The following GALNT8 variants were observed in gnomAD, a reference collection of about 807,000 sequenced individuals.
GALNT8 encodes probable polypeptide N-acetylgalactosaminyltransferase 8.
In GALNT8, 66 loss-of-function variants were observed where a neutral mutation model predicts 62.7. That is an observed-to-expected ratio of 1.05 (90% CI 0.86 to 1.29). The LOEUF (loss-of-function observed/expected upper bound fraction) is 1.29, where lower values mean the gene tolerates loss of function less well. Ranked by LOEUF, GALNT8 falls within the 50% of genes most tolerant of loss-of-function variation. The pLI, the probability that GALNT8 is intolerant of heterozygous loss-of-function variation, is 0.00. For synonymous variants in GALNT8, 288 were observed against 294.3 expected (o/e 0.98, Z 0.22); for missense variants, 771 against 791.8 (o/e 0.97, Z 0.32).
intron 3 of GALNT8, among the ~76,000 whole-genome samples, chr12:4,740,171 C>T (rs917918207): frequency 2.0e-5 from 3 of 152,112 alleles, no homozygotes; most frequent in African/African-American, 7.2e-5. Context: ...GTGCCCGTGC[C>T]CCGAGTCTAG....
At chr12:4,765,022 G>A (rs1946392707) in intron 9 of GALNT8, among the ~76,000 whole-genome samples, 1 of 152,256 alleles carries the variant, frequency 6.6e-6, no homozygotes, top group Non-Finnish European at 1.5e-5. Flanking sequence ...GCAAGATAGT[G>A]TCAGACCAGG....
At chr12:4,727,834 A>G (rs976067191) in intron 2 of GALNT8, among the ~76,000 whole-genome samples, 1 of 152,174 alleles carries the variant, frequency 6.6e-6, no homozygotes, top group Non-Finnish European at 1.5e-5. Flanking sequence ...ACATTCATGT[A>G]TAAGTTTTTG....
At position 4,746,273 on chromosome 12, in the gene GALNT8, C is replaced by T. The variant is rs980917361; in HGVS notation, c.1173+15C>T. 2 of 1,385,612 alleles carry T rather than the reference C, an allele frequency of 1.4e-6. No homozygotes were observed. The highest frequency in any genetic ancestry group is 1.4e-5 in the African/African-American group (1 of 70,752). The allele number at this position is 1,385,612 out of a possible 1,614,324, so 85.8% of individuals were successfully genotyped here. Reference sequence around the variant, plus strand: ...TTAGCCTGAGGGTGGGTACATTTCCCTTTTCTTTATGGGACAAAGCAGAAA... The same window carrying T: ...TTAGCCTGAGGGTGGGTACATTTCCTTTTTCTTTATGGGACAAAGCAGAAA... On this transcript the variant is annotated intron_variant, in intron 6 of 10. Coordinates refer to ENST00000252318, the MANE Select transcript of GALNT8 (RefSeq NM_017417.2).
At chr12:4,735,841 A>C (rs1430122755) in intron 2 of GALNT8, among the ~76,000 whole-genome samples, 2 of 152,160 alleles carry the variant, frequency 1.3e-5, no homozygotes, top group Non-Finnish European at 2.9e-5. Context: ...AGTGGTGCAG[A>C]AGTTCTGTTC....
intron 6 of GALNT8, among the ~76,000 whole-genome samples, chr12:4,753,375 CT>C (rs1946330612): frequency 6.6e-6 from 1 of 151,888 alleles, no homozygotes; most frequent in South Asian, 2.1e-4. Flanking sequence ...TTTCTTTTGT[CT>C]CCTCTGACTA....
At chr12:4,738,878 G>A (rs903433983) in intron 2 of GALNT8, among the ~76,000 whole-genome samples, 4 of 152,282 alleles carry the variant, frequency 2.6e-5, no homozygotes, top group Middle Eastern at 3.4e-3. Context: ...TAATCCGGGT[G>A]TAGAAGAGGA....
chr12:4,766,673 G>A (rs1006822890), intron 10 of GALNT8, among the ~76,000 whole-genome samples: 1 of 152,054 alleles, frequency 6.6e-6, no homozygotes, highest in African/African-American at 2.4e-5. Context: ...TGCTCCAAAA[G>A]CTTCTGCACT....
intron 6 of GALNT8, among the ~76,000 whole-genome samples, chr12:4,748,594 G>A (rs912202647): frequency 1.3e-5 from 2 of 151,716 alleles, no homozygotes; most frequent in Non-Finnish European, 2.9e-5. Context: ...CTGTTTTTAT[G>A]CTCGTACCAT....
At chr12:4,730,107 A>T (rs527912852) in intron 2 of GALNT8, among the ~76,000 whole-genome samples, 2 of 151,910 alleles carry the variant, frequency 1.3e-5, no homozygotes, top group East Asian at 3.9e-4. Flanking sequence ...TATATTTTGG[A>T]TATTAACTTC....
chr12:4,739,562 C>T (rs78392434), intron 3 of GALNT8, among the ~76,000 whole-genome samples: 2,308 of 151,970 alleles, frequency 0.015, 37 homozygotes, highest in Non-Finnish European at 0.021. Flanking sequence ...AGAGATCACA[C>T]AGTGTGCTTA....
chr12:4,726,947 T>C lies in GALNT8; in HGVS notation c.509+118T>C, dbSNP rs573205976. On this transcript the variant is annotated intron_variant, in intron 2 of 10. Coordinates refer to ENST00000252318, the MANE Select transcript of GALNT8 (RefSeq NM_017417.2). This position sits in a 1 kb window ranked among gnomAD's most constrained non-coding sequence, Gnocchi z 4.1. ...GGATTGTTGGGGAAGGGGTTCAGGC[T>C]GAGCAAAGTTGTTGTTTTCAATTTA... 1.5e-4 allele frequency: 121 copies of C among 793,362 alleles called. 1 individual carries two copies. The South Asian group carries it at 1.9e-3, about 13-fold the overall frequency. The allele number at this position is 793,362 out of a possible 1,614,324, so 49.1% of individuals were successfully genotyped here.
In GALNT8 at chr12:4,756,968, C is replaced by CGG. The variant is rs376997873; in HGVS notation, c.1174-3984_1174-3983dup. ...CCAGGTGGAGGTCATTGGATCATGT[C>CGG]GGGGGGGTTTTCCCCAGGTGGTTCT... On this transcript the variant is annotated intron_variant, in intron 6 of 10. Coordinates refer to ENST00000252318, the MANE Select transcript of GALNT8 (RefSeq NM_017417.2). 6.6e-5 allele frequency among the ~76,000 whole-genome samples: 10 copies of CGG among 152,166 alleles called. No individual in the cohort carries two copies. In the South Asian group the frequency reaches 2.1e-3, roughly 32 times the overall value.
rs1405572658 is a variant in GALNT8 at position 4,720,833 on chromosome 12, C to T, written c.156C>T (p.Arg52=). ...HRELPLHLNK[R]YGAVIKRLSH... ...AGCTTCCTTTACATCTGAATAAACGCTACGGGGCAGTGATAAAGAGACTCT... is the reference window on the plus strand; with the variant it reads ...AGCTTCCTTTACATCTGAATAAACGTTACGGGGCAGTGATAAAGAGACTCT... The change falls in exon 1 of 11, where the codon CGC becomes CGT. Residue 52 remains arginine (R), a synonymous_variant. Transcript: ENST00000252318. 2 of 1,611,778 alleles carry T rather than the reference C, an allele frequency of 1.2e-6. No homozygotes were observed. Among genetic ancestry groups the T allele is most frequent in the Admixed American group, 3.3e-5 (2 of 59,998 alleles).
At chr12:4,760,888 T>G (rs574197753) in intron 6 of GALNT8, 70 bp from the exon 7 acceptor site, 20 of 1,336,234 alleles carry the variant, frequency 1.5e-5, no homozygotes, top group Middle Eastern at 1.9e-4. Flanking sequence ...AAATGTAGTC[T>G]TCTTGTGTCA....
intron 2 of GALNT8, among the ~76,000 whole-genome samples, chr12:4,729,235 T>A (rs1339072461): frequency 6.6e-6 from 1 of 152,182 alleles, no homozygotes; most frequent in African/African-American, 2.4e-5. Flanking sequence ...CTAATATATA[T>A]CTAAATTAAC....
intron 2 of GALNT8, among the ~76,000 whole-genome samples, chr12:4,737,392 T>C (rs1946250262): frequency 6.6e-6 from 1 of 152,112 alleles, no homozygotes; most frequent in African/African-American, 2.4e-5. Flanking sequence ...TCAGAGAGCT[T>C]CTACACCTGT....
chr12:4,725,811 C>T (rs1049079533), intron 1 of GALNT8, among the ~76,000 whole-genome samples: 2 of 152,136 alleles, frequency 1.3e-5, no homozygotes, highest in Non-Finnish European at 2.9e-5. Context: ...ACCTCGGCCT[C>T]CCAAAGTGCA....
chr12:4,739,746 G>A (rs553455920), intron 3 of GALNT8, among the ~76,000 whole-genome samples: 2 of 149,302 alleles, frequency 1.3e-5, no homozygotes, highest in African/African-American at 4.9e-5. Flanking sequence ...CTCACTGCAA[G>A]CTCTGCCTAC....
chr12:4,771,501 G>C (rs1946424254), intron 10 of GALNT8, among the ~76,000 whole-genome samples: 1 of 152,124 alleles, frequency 6.6e-6, no homozygotes. Context: ...GAGAGAGGAA[G>C]CAGAAATTTG....
Sources: allele counts gnomAD v4.1 joint callset (sites outside exome capture counted in the v4.1 genomes callset), GRCh38; gene constraint gnomAD v4.1.1; non-coding constraint Gnocchi (gnomAD v3.1); transcripts MANE v1.5; gene names NCBI Gene and HGNC (gene_info 2026-07-23, HGNC 2026-07-21).